Variants in ADGRA1 observed in about 807,000 individuals in gnomAD.
ADGRA1 encodes G-protein coupled receptor 123.
Under a neutral mutation model 21.3 loss-of-function variants are expected in ADGRA1, and 12 were observed. The ratio of observed to expected loss-of-function variants is 0.56; its 90% CI spans 0.36 to 0.91. The LOEUF (loss-of-function observed/expected upper bound fraction) is 0.91, where lower values mean the gene tolerates loss of function less well. Among genes scored for constraint, ADGRA1 ranks in the 40% least tolerant of loss-of-function variants. The probability of loss-of-function intolerance (pLI) is 0.01; values close to 1 mark genes in which losing one functional copy is unlikely to be tolerated. For missense variants in ADGRA1, 790 were observed against 805.6 expected, an observed-to-expected ratio of 0.98 and a Z score of 0.23; for synonymous variants, 385 against 368.8, an observed-to-expected ratio of 1.04 and a Z score of -0.50.
chr10:133,113,359 G>A (rs1158761293), intron 5 of ADGRA1, among the ~76,000 whole-genome samples: 4 of 152,322 alleles, frequency 2.6e-5, no homozygotes, highest in South Asian at 2.1e-4. Flanking sequence ...GCCTGCTCCC[G>A]CCTTCACCTG....
At chr10:133,095,682 G>C in intron 2 of ADGRA1, 1 of 1,597,240 alleles carries the variant, frequency 6.3e-7, no homozygotes, top group Non-Finnish European at 8.5e-7. Flanking sequence ...ACACTCTCTA[G>C]CCAGCCAGGG....
Position 133,129,806 on chromosome 10 carries a change from G to C in ADGRA1, c.*295G>C. 2.6e-6 allele frequency: 1 copy of C among 388,920 alleles called. No homozygotes were observed. Among genetic ancestry groups the C allele is most frequent in the Non-Finnish European group, 4.8e-6 (1 of 209,346 alleles). The allele number at this position is 388,920 out of a possible 1,614,324, so 24.1% of individuals were successfully genotyped here. The stretch of plus-strand genomic sequence containing the variant: ...GTGCTGGTCCCGCACACGGTCATCC[G>C]GTTTCTGTCCTGTGGTCTCCAGTCC... On this transcript the variant is annotated 3_prime_UTR_variant, in exon 7 of 7. Coordinates refer to ENST00000392607, the MANE Select transcript of ADGRA1 (RefSeq NM_001083909.3).
rs1266664600 is a variant in ADGRA1 at position 133,092,823 on chromosome 10, GGA to G, written c.3+3912_3+3913del. ...AGAGGGAGGGAAGGGAGGGAAGGAA[GGA>G]AGAGAGGGAGGGAGGGAAGGAAGGA... is the stretch of plus-strand genomic sequence containing the variant. On this transcript the variant is annotated intron_variant, in intron 2 of 6. Coordinates refer to ENST00000392607, the MANE Select transcript of ADGRA1 (RefSeq NM_001083909.3). Among the ~76,000 whole-genome samples, 38 of 122,276 alleles carry G rather than the reference GGA, an allele frequency of 3.1e-4. No homozygotes were observed. The South Asian group carries it at 9.4e-3, about 30-fold the overall frequency. The allele number at this position is 122,276 out of a possible 152,430, so 80.2% of individuals were successfully genotyped here. A position where few individuals can be genotyped will look rare whatever the true frequency, so the allele number is the denominator to read the frequency against.
At chr10:133,114,067 G>A (rs1456898311) in intron 5 of ADGRA1, among the ~76,000 whole-genome samples, 3 of 152,224 alleles carry the variant, frequency 2.0e-5, no homozygotes, top group African/African-American at 4.8e-5. Context: ...CGGTCCTGTT[G>A]TCTACTGACA....
In ADGRA1 at chr10:133,127,852, G is replaced by C. The variant is rs1328026688; in HGVS notation, c.501-477G>C. Among the ~76,000 whole-genome samples the C allele has an allele frequency of 4.5e-5, 5 of 112,218 alleles. No homozygotes were observed. In the East Asian group the frequency reaches 8.9e-4, roughly 20 times the overall value. The allele number at this position is 112,218 out of a possible 152,430, so 73.6% of individuals were successfully genotyped here. A position where few individuals can be genotyped will look rare whatever the true frequency, so the allele number is the denominator to read the frequency against. On this transcript the variant is annotated intron_variant, in intron 6 of 6. Transcript: ENST00000392607. ...GCCCACCCAGCTCCACCTCCGCCTG[G>C]CCCCGCCCACCCAGCTCCACCTCCG...
intron 4 of ADGRA1, among the ~76,000 whole-genome samples, chr10:133,100,818 C>T (rs1851777949): frequency 6.6e-6 from 1 of 152,236 alleles, no homozygotes. Flanking sequence ...CGTTCCAGAA[C>T]AGGACGCAAG....
At position 133,131,383 on chromosome 10, in the gene ADGRA1, T is replaced by G. The variant is rs924647175; in HGVS notation, c.*1872T>G. On this transcript the variant is annotated 3_prime_UTR_variant, in exon 7 of 7. Coordinates refer to ENST00000392607, the MANE Select transcript of ADGRA1 (RefSeq NM_001083909.3). ...TCCCCACGCTGTGCTGTGTACGCAC[T>G]GTAGGTGCAGAACCGTCCACACAAA... is the stretch of plus-strand genomic sequence containing the variant. 3.9e-5 allele frequency: 6 copies of G among 152,320 alleles called. No homozygotes were observed. Among genetic ancestry groups the G allele is most frequent in the African/African-American group, 7.2e-5 (3 of 41,466 alleles). The allele number at this position is 152,320 out of a possible 1,614,324, so 9.4% of individuals were successfully genotyped here. A position where few individuals can be genotyped will look rare whatever the true frequency, so the allele number is the denominator to read the frequency against.
chr10:133,097,017 T>C lies in ADGRA1; in HGVS notation c.47T>C (p.Phe16Ser), dbSNP rs764353204. 1 of 1,613,314 alleles carries C rather than the reference T, an allele frequency of 6.2e-7. No homozygotes were observed. Among genetic ancestry groups the C allele is most frequent in the South Asian group, 1.1e-5 (1 of 91,090 alleles). ...TCCCTGCCCCGCTACCCAGGGGAGT[T>C]CCTGCACCCCGTGGTGTACGCGTGC... ...VLSLPRYPGE[F>S]LHPVVYACTA... The change falls in exon 3 of 7, where the codon TTC becomes TCC. Residue 16 changes from phenylalanine (F) to serine (S), a missense_variant. Transcript: ENST00000392607.
At chr10:133,111,515 A>G (rs71217083) in intron 5 of ADGRA1, among the ~76,000 whole-genome samples, 117 of 16,942 alleles carry the variant, frequency 6.9e-3, no homozygotes, top group Admixed American at 0.012. Flanking sequence ...CCCACCACAG[A>G]CACCTCCCTC....
At chr10:133,125,651 G>A (rs1481909258) in intron 5 of ADGRA1, among the ~76,000 whole-genome samples, 1 of 151,774 alleles carries the variant, frequency 6.6e-6, no homozygotes, top group Non-Finnish European at 1.5e-5. Context: ...GGATGGTCTC[G>A]GTCTCCTGAC....
chr10:133,097,729 A>G (rs1252417979), intron 3 of ADGRA1, among the ~76,000 whole-genome samples: 2 of 152,194 alleles, frequency 1.3e-5, no homozygotes, highest in Non-Finnish European at 2.9e-5. Context: ...TCGATGGTTT[A>G]TCGACAGGAG....
chr10:133,096,899 G>A, intron 2 of ADGRA1, 75 bp from the exon 3 acceptor site: 1 of 1,535,814 alleles, frequency 6.5e-7, no homozygotes, highest in East Asian at 2.3e-5. Context: ...GAGCCCCAAG[G>A]GTAGGCTCAG....
Position 133,088,831 on chromosome 10 carries a change from G to A in ADGRA1, c.-79G>A. ...TTCCAGAGGCCATGGAGGCTGGCGG[G>A]GAGCAGGGCGCCACCTGATCGCCTC... is the stretch of plus-strand genomic sequence containing the variant. On this transcript the variant is annotated 5_prime_UTR_variant, in exon 2 of 7. Coordinates refer to ENST00000392607, the MANE Select transcript of ADGRA1 (RefSeq NM_001083909.3). 8.1e-7 allele frequency: 1 copy of A among 1,235,456 alleles called. No individual in the cohort carries two copies. Among genetic ancestry groups the A allele is most frequent in the Non-Finnish European group, 1.0e-6 (1 of 987,978 alleles). The allele number at this position is 1,235,456 out of a possible 1,614,324, so 76.5% of individuals were successfully genotyped here.
rs1481777733 is a variant in ADGRA1, at chr10:133,128,865, C to T, written c.1037C>T (p.Ser346Leu). ...AALGRAACLHSPGLGQPRGFA... is the reference protein window; with the variant it reads ...AALGRAACLHLPGLGQPRGFA... ...CTGGGCCGCGCCGCCTGCCTGCACT[C>T]GCCGGGACTGGGCCAGCCACGGGGC... The change falls in exon 7 of 7, where the codon TCG becomes TTG. Residue 346 changes from serine to leucine, a missense_variant. Around this residue, in one of 3 missense-constraint regions of ADGRA1, gnomAD observed 391 missense variants for 351.5 expected, o/e 1.11. Coordinates refer to ENST00000392607, the MANE Select transcript of ADGRA1 (RefSeq NM_001083909.3). 28 of 1,578,446 alleles carry T rather than the reference C, an allele frequency of 1.8e-5. No individual in the cohort carries two copies. The highest frequency in any genetic ancestry group is 4.6e-5 in the East Asian group (2 of 43,678).
At chr10:133,095,476 C>T (rs111840074) in intron 2 of ADGRA1, among the ~76,000 whole-genome samples, 2,105 of 152,362 alleles carry the variant, frequency 0.014, 18 homozygotes, top group African/African-American at 0.021. Flanking sequence ...TCCAGCTCTG[C>T]GGCCCCACAG....
In ADGRA1 at chr10:133,129,174, G is replaced by A. The variant is rs370353123; in HGVS notation, c.1346G>A (p.Arg449His). Residue 449 changes from arginine to histidine, a missense_variant, in exon 7 of 7, where the codon CGC (arginine) becomes CAC (histidine). Transcript: ENST00000392607. ...HIPSSLDGSP[R>H]SSRTDSPPSS... Reference sequence around the variant, plus strand: ...CCATCCAGCCTGGATGGCAGCCCCCGCAGCTCGCGCACAGACAGCCCCCCC... The same window carrying A: ...CCATCCAGCCTGGATGGCAGCCCCCACAGCTCGCGCACAGACAGCCCCCCC... 1.2e-5 allele frequency: 18 copies of A among 1,550,982 alleles called. No individual in the cohort carries two copies. Among genetic ancestry groups the A allele is most frequent in the African/African-American group, 5.5e-5 (4 of 73,180 alleles).
Position 133,131,640 on chromosome 10 carries a change from C to G in ADGRA1, c.*2129C>G, listed in dbSNP as rs1271148624. ...CCACCATTCAACCAAAGAAAGTCAA[C>G]ATTGAACATTAAACCTCTGTGTGTT... On this transcript the variant is annotated 3_prime_UTR_variant, in exon 7 of 7. Transcript: ENST00000392607. 1 of 152,524 alleles carries G rather than the reference C, an allele frequency of 6.6e-6. No individual in the cohort carries two copies. The highest frequency in any genetic ancestry group is 1.9e-4 in the East Asian group (1 of 5,196). 9.4% of individuals were successfully genotyped at this position (152,524 alleles called of 1,614,324 possible).
intron 2 of ADGRA1, chr10:133,092,928 C>G: frequency 6.4e-7 from 1 of 1,555,258 alleles, no homozygotes; most frequent in South Asian, 1.2e-5. Context: ...CTGGAAGCAC[C>G]TGGGAGGATA....
chr10:133,128,154 G>T lies in ADGRA1; in HGVS notation c.501-175G>T, dbSNP rs1271275359. ...ACCTCCCAAGCTGGTAGGGCCAATAGGGCCCGGTTCCCATCCACACTCTCA... is the reference window on the plus strand; with the variant it reads ...ACCTCCCAAGCTGGTAGGGCCAATATGGCCCGGTTCCCATCCACACTCTCA... On this transcript the variant is annotated intron_variant, in intron 6 of 6. Transcript: ENST00000392607. 3.3e-5 allele frequency among the ~76,000 whole-genome samples: 5 copies of T among 149,942 alleles called. No individual in the cohort carries two copies. The East Asian group carries it at 9.9e-4, about 30-fold the overall frequency.
Sources: allele counts gnomAD v4.1 joint callset (sites outside exome capture counted in the v4.1 genomes callset), GRCh38; gene constraint gnomAD v4.1.1; regional missense constraint gnomAD v4.1.1; transcripts MANE v1.5; gene names NCBI Gene and HGNC (gene_info 2026-07-23, HGNC 2026-07-21).